Variants in C10orf143 observed in about 807,000 individuals in gnomAD.
C10orf143 encodes the protein uncharacterized protein C10orf143.
chr10:130,079,536 A>G (rs1861170999), intron 3 of C10orf143, 30 bp downstream of exon 3: 1 of 399,008 alleles, frequency 2.5e-6, no homozygotes, highest in Admixed American at 4.4e-5. Context: ...TCTATCTTTT[A>G]TGTCACAGCA....
At chr10:130,076,536 C>T (rs970980433) in intron 3 of C10orf143, among the ~76,000 whole-genome samples, 3 of 152,198 alleles carry the variant, frequency 2.0e-5, no homozygotes, top group African/African-American at 7.2e-5. Context: ...TACAAAACGT[C>T]AGAGACCAGA....
chr10:130,081,098 A>G (rs1379840936), intron 1 of C10orf143, among the ~76,000 whole-genome samples: 1 of 152,238 alleles, frequency 6.6e-6, no homozygotes, highest in African/African-American at 2.4e-5. Context: ...ATACAGATGT[A>G]CTTAAAATCA....
At chr10:130,107,047 T>G in intron 1 of C10orf143, 1 of 1,425,502 alleles carries the variant, frequency 7.0e-7, no homozygotes, top group Non-Finnish European at 9.9e-7. Flanking sequence ...GAAACCAAAT[T>G]TATATCCAGT....
chr10:130,098,006 A>T (rs1418283940), intron 1 of C10orf143, among the ~76,000 whole-genome samples: 2 of 134,608 alleles, frequency 1.5e-5, no homozygotes, highest in African/African-American at 5.2e-5. Context: ...AAAACCACTT[A>T]ATTACACACT....
chr10:130,101,845 G>A (rs1861556094), intron 1 of C10orf143, among the ~76,000 whole-genome samples: 1 of 73,570 alleles, frequency 1.4e-5, no homozygotes, highest in Non-Finnish European at 2.2e-5. Context: ...GGGAGACTCT[G>A]TCTCAAAAAA....
intron 3 of C10orf143, among the ~76,000 whole-genome samples, chr10:130,044,179 C>T (rs2134725290): frequency 6.6e-6 from 1 of 152,314 alleles, no homozygotes; most frequent in South Asian, 2.1e-4. Context: ...CTGGGGACTG[C>T]CCCTGAGGAG....
intron 3 of C10orf143, among the ~76,000 whole-genome samples, chr10:130,043,884 G>T (rs757976460): frequency 6.6e-6 from 1 of 152,224 alleles, no homozygotes; most frequent in East Asian, 1.9e-4. Context: ...CTTGTAGCTC[G>T]TCATGATGGG....
intron 3 of C10orf143, among the ~76,000 whole-genome samples, chr10:130,053,982 C>CCGTG (rs772335657): frequency 1.3e-5 from 2 of 152,178 alleles, no homozygotes; most frequent in Non-Finnish European, 2.9e-5. Flanking sequence ...CCAAGTGCCA[C>CCGTG]CGTGGGTCAT....
intron 1 of C10orf143, among the ~76,000 whole-genome samples, chr10:130,080,357 C>A (rs1359568914): frequency 6.6e-6 from 1 of 152,162 alleles, no homozygotes; most frequent in African/African-American, 2.4e-5. Context: ...ATTTTATTTA[C>A]AAAGGTTGCA....
Position 130,064,278 on chromosome 10 carries a change from T to G in C10orf143, c.*76A>C, listed in dbSNP as rs984086074. On this transcript the variant is annotated 3_prime_UTR_variant, in exon 4 of 4. Coordinates refer to ENST00000637128, the MANE Select transcript of C10orf143 (RefSeq NM_001355042.2). ...ACAGGTAAGTCCCCAAACCCATCTG[T>G]AGGAGATTCACATTTGCTGCAACAT... 1.0e-5 allele frequency: 4 copies of G among 398,158 alleles called. No individual in the cohort carries two copies. The highest frequency in any genetic ancestry group is 1.8e-5 in the Non-Finnish European group (4 of 225,808). The allele number at this position is 398,158 out of a possible 1,614,324, so 24.7% of individuals were successfully genotyped here.
At chr10:130,047,802 C>T (rs1238993972) in intron 3 of C10orf143, among the ~76,000 whole-genome samples, 1 of 152,182 alleles carries the variant, frequency 6.6e-6, no homozygotes, top group African/African-American at 2.4e-5. Flanking sequence ...CCAGGTTTCT[C>T]CTCCTCCCAT....
chr10:130,081,099 C>T (rs1421687007), intron 1 of C10orf143, among the ~76,000 whole-genome samples: 1 of 152,090 alleles, frequency 6.6e-6, no homozygotes, highest in Non-Finnish European at 1.5e-5. Context: ...TACAGATGTA[C>T]TTAAAATCAA....
chr10:130,077,924 C>T (rs1470954680), intron 3 of C10orf143, among the ~76,000 whole-genome samples: 3 of 151,986 alleles, frequency 2.0e-5, no homozygotes, highest in Non-Finnish European at 4.4e-5. Flanking sequence ...TATTAAAACG[C>T]CCAAGCCTGG....
At chr10:130,096,580 A>T (rs1326475931) in intron 1 of C10orf143, among the ~76,000 whole-genome samples, 4 of 45,648 alleles carry the variant, frequency 8.8e-5, no homozygotes, top group Non-Finnish European at 1.1e-4. Flanking sequence ...ATTCTTGGCA[A>T]ACTAACACAG....
chr10:130,102,157 C>T (rs1861568118), intron 1 of C10orf143, among the ~76,000 whole-genome samples: 1 of 152,210 alleles, frequency 6.6e-6, no homozygotes, highest in East Asian at 1.9e-4. Context: ...GAAGTCCCAG[C>T]TTATGTTTAT....
intron 3 of C10orf143, among the ~76,000 whole-genome samples, chr10:130,037,389 C>T (rs780167978): frequency 3.3e-5 from 5 of 152,240 alleles, no homozygotes; most frequent in Non-Finnish European, 7.3e-5. Flanking sequence ...GATGAGCAAG[C>T]GAAACAAGAG....
intron 1 of C10orf143, among the ~76,000 whole-genome samples, chr10:130,110,125 C>G (rs1025158193): frequency 6.6e-6 from 1 of 152,174 alleles, no homozygotes; most frequent in Non-Finnish European, 1.5e-5. Context: ...ACATACCTGA[C>G]TTACCCACGC....
chr10:130,060,308 A>AT (rs1347035639), downstream of C10orf143, among the ~76,000 whole-genome samples: 1 of 152,212 alleles, frequency 6.6e-6, no homozygotes, highest in Admixed American at 6.5e-5. Context: ...TCTTTTGAAT[A>AT]TAATTGCAAA....
intron 1 of C10orf143, chr10:130,107,099 A>G (rs1405740934): frequency 1.9e-6 from 3 of 1,594,350 alleles, no homozygotes; most frequent in Admixed American, 1.7e-5. Flanking sequence ...TACAGAGCAT[A>G]TTAAAAATCT....
Sources: gnomAD v4.1 joint callset for allele counts (sites outside exome capture counted in the v4.1 genomes callset) on GRCh38, gnomAD v4.1.1 for gene constraint, MANE v1.5 for transcripts, NCBI Gene and HGNC (gene_info 2026-07-23, HGNC 2026-07-21) for gene names.